AGO4: variants seen among roughly 807,000 people sequenced by gnomAD.
AGO4 encodes argonaute RISC component 4.
Under a neutral mutation model 104.7 loss-of-function variants are expected in AGO4, and 33 were observed. The ratio of observed to expected loss-of-function variants is 0.32; its 90% CI spans 0.24 to 0.42. The LOEUF (loss-of-function observed/expected upper bound fraction) is 0.42, where lower values mean the gene tolerates loss of function less well. Ranked by LOEUF, AGO4 falls within the 10% of genes least tolerant of loss-of-function variation. The pLI is 1.00. For synonymous variants in AGO4, 331 were observed against 364.7 expected (o/e 0.91, Z 1.05); for missense variants, 711 against 1,083.4 (o/e 0.66, Z 4.83).
chr1:35,846,604 G>GATATATATAT (rs72414122), intron 15 of AGO4, among the ~76,000 whole-genome samples: 6 of 140,710 alleles, frequency 4.3e-5, no homozygotes, highest in African/African-American at 1.6e-4. Flanking sequence ...CTCAAAAAAA[G>GATATATATAT]ATATATATAT....
At position 35,841,863 on chromosome 1, in the gene AGO4, T is replaced by A. The variant is rs371776180; in HGVS notation, c.2175+113T>A. 29 of 769,234 alleles carry A rather than the reference T, an allele frequency of 3.8e-5. No individual in the cohort carries two copies. The East Asian group carries it at 5.6e-4, about 15-fold the overall frequency. 47.7% of individuals were successfully genotyped at this position (769,234 alleles called of 1,614,324 possible). Reference sequence around the variant, plus strand: ...ACACCATTTTTATACAATTTTTTTCTTAAAAGCAGAAATGCCTGATAATAA... The same window carrying A: ...ACACCATTTTTATACAATTTTTTTCATAAAAGCAGAAATGCCTGATAATAA... On this transcript the variant is annotated intron_variant, in intron 15 of 17. Coordinates refer to ENST00000373210, the MANE Select transcript of AGO4 (RefSeq NM_017629.4). This position sits in a 1 kb window ranked among gnomAD's most constrained non-coding sequence, Gnocchi z 4.7.
At position 35,853,816 on chromosome 1, in the gene AGO4, AT is replaced by A. The variant is rs756625148; in HGVS notation, c.*212del. On this transcript the variant is annotated 3_prime_UTR_variant, in exon 18 of 18. Transcript: ENST00000373210. ...TTAAAGTAATAGATACTAATAGATT[AT>A]CTTTTCTGATGCACTGGACTGAATT... 7.1e-6 allele frequency: 3 copies of A among 422,602 alleles called. No individual in the cohort carries two copies. The highest frequency in any genetic ancestry group is 1.3e-5 in the Non-Finnish European group (3 of 233,546). The allele number at this position is 422,602 out of a possible 1,614,324, so 26.2% of individuals were successfully genotyped here.
intron 12 of AGO4, among the ~76,000 whole-genome samples, chr1:35,834,963 T>C (rs1644272600): frequency 6.6e-6 from 1 of 150,898 alleles, no homozygotes; most frequent in East Asian, 1.9e-4. Flanking sequence ...TCCCAAAGCA[T>C]TGGGATTACA....
intron 2 of AGO4, among the ~76,000 whole-genome samples, chr1:35,818,257 A>T (rs1643775654): frequency 6.6e-6 from 1 of 152,140 alleles, no homozygotes; most frequent in African/African-American, 2.4e-5. Flanking sequence ...CTGAAAAGTG[A>T]TATTTGACCT....
intron 15 of AGO4, among the ~76,000 whole-genome samples, chr1:35,846,999 A>G (rs1644587105): frequency 6.6e-6 from 1 of 151,246 alleles, no homozygotes; most frequent in Non-Finnish European, 1.5e-5. Flanking sequence ...CCTGGGCAAC[A>G]TAGCAAGACT....
chr1:35,839,949 A>G (rs527564872), intron 13 of AGO4, among the ~76,000 whole-genome samples: 1 of 150,774 alleles, frequency 6.6e-6, no homozygotes, highest in African/African-American at 2.4e-5. Flanking sequence ...CCTGGGCAAC[A>G]GAGTGAGACC....
intron 15 of AGO4, among the ~76,000 whole-genome samples, chr1:35,847,653 A>G (rs1027560154): frequency 6.7e-6 from 1 of 150,000 alleles, no homozygotes; most frequent in African/African-American, 2.5e-5. Flanking sequence ...TAAAGGCTTA[A>G]ATAGTTGTTA....
At chr1:35,835,640 G>T (rs1279490764) in intron 12 of AGO4, among the ~76,000 whole-genome samples, 194 bp from the exon 13 acceptor site, 1 of 151,974 alleles carries the variant, frequency 6.6e-6, no homozygotes, top group African/African-American at 2.4e-5. Context: ...GGAGAGAAGG[G>T]AGGGCCTATC....
At chr1:35,821,991 G>A (rs1205333422) in intron 2 of AGO4, among the ~76,000 whole-genome samples, 7 of 151,684 alleles carry the variant, frequency 4.6e-5, no homozygotes, top group African/African-American at 4.8e-5. Context: ...GGGTTCAAGC[G>A]ATTCTCGTGC....
rs1644193819 is a variant in AGO4, at chr1:35,831,872, A to G, written c.1057A>G (p.Thr353Ala). The change falls in exon 9 of 18, where the codon ACA becomes GCA. Residue 353 changes from threonine (T) to alanine (A), a missense_variant. Around this residue, in one of 3 missense-constraint regions of AGO4, gnomAD observed 401 missense variants for 665.5 expected, o/e 0.60. Coordinates refer to ENST00000373210, the MANE Select transcript of AGO4 (RefSeq NM_017629.4). ...GAAGCTCACAGACAATCAGACTTCCACAATGATCAAAGCTACAGCAAGATC... is the reference window on the plus strand; with the variant it reads ...GAAGCTCACAGACAATCAGACTTCCGCAATGATCAAAGCTACAGCAAGATC... ...IKKLTDNQTS[T>A]MIKATARSAP... 6.2e-7 allele frequency: 1 copy of G among 1,614,052 alleles called. No homozygotes were observed. The highest frequency in any genetic ancestry group is 1.3e-5 in the African/African-American group (1 of 74,938).
At chr1:35,811,850 G>A (rs867524416) in intron 1 of AGO4, among the ~76,000 whole-genome samples, 2 of 151,878 alleles carry the variant, frequency 1.3e-5, no homozygotes, top group Non-Finnish European at 2.9e-5. Flanking sequence ...CACCCGCCCC[G>A]GCCTCCCAAA....
intron 15 of AGO4, among the ~76,000 whole-genome samples, chr1:35,847,804 C>T (rs1644607381): frequency 6.6e-6 from 1 of 151,770 alleles, no homozygotes; most frequent in African/African-American, 2.4e-5. Context: ...AATTTTTAAA[C>T]ATGTTAACAA....
chr1:35,821,305 C>T (rs1269321652), intron 2 of AGO4, among the ~76,000 whole-genome samples: 3 of 152,162 alleles, frequency 2.0e-5, no homozygotes, highest in Non-Finnish European at 2.9e-5. Flanking sequence ...TTTTCAGTCA[C>T]ATGATTTGGT....
At chr1:35,844,528 A>G (rs774290153) in intron 15 of AGO4, among the ~76,000 whole-genome samples, 4 of 151,956 alleles carry the variant, frequency 2.6e-5, no homozygotes, top group Non-Finnish European at 5.9e-5. Context: ...CCTATCGTCT[A>G]TTTCCCTCCA....
chr1:35,849,785 C>G (rs1644658233), intron 15 of AGO4, among the ~76,000 whole-genome samples: 1 of 151,038 alleles, frequency 6.6e-6, no homozygotes. Context: ...TTTTTTACTC[C>G]AAGTAAGGAA....
chr1:35,820,995 G>A (rs1432740149), intron 2 of AGO4, among the ~76,000 whole-genome samples: 1 of 151,994 alleles, frequency 6.6e-6, no homozygotes, highest in East Asian at 1.9e-4. Context: ...CTTGTCCAAG[G>A]TCATGCAGTT....
chr1:35,846,055 A>G (rs1644565337), intron 15 of AGO4, among the ~76,000 whole-genome samples: 2 of 152,194 alleles, frequency 1.3e-5, no homozygotes, highest in South Asian at 4.1e-4. Flanking sequence ...GTGGATGTAT[A>G]ATCCTCCCCC....
At chr1:35,817,760 C>G (rs2148653300) in intron 2 of AGO4, among the ~76,000 whole-genome samples, 1 of 152,246 alleles carries the variant, frequency 6.6e-6, no homozygotes, top group African/African-American at 2.4e-5. Flanking sequence ...ATATTTTGTG[C>G]CGCTTGATAT....
At chr1:35,818,645 GAAAGAAAGA>G (rs1377669096) in intron 2 of AGO4, among the ~76,000 whole-genome samples, 3 of 108,590 alleles carry the variant, frequency 2.8e-5, no homozygotes, top group Non-Finnish European at 4.3e-5. Flanking sequence ...AAGAAAGAAA[GAAAGAAAGA>G]AAGAAAGGAA....
Sources: gnomAD v4.1 joint callset for allele counts (sites outside exome capture counted in the v4.1 genomes callset) on GRCh38, gnomAD v4.1.1 for gene constraint, gnomAD v4.1.1 regional missense constraint, Gnocchi (gnomAD v3.1) non-coding constraint, MANE v1.5 for transcripts, NCBI Gene and HGNC (gene_info 2026-07-23, HGNC 2026-07-21) for gene names.